The following NIBAN1 variants were observed in gnomAD, a reference collection of about 807,000 sequenced individuals.
NIBAN1 encodes niban apoptosis regulator 1.
In NIBAN1, 81 loss-of-function variants were observed where a neutral mutation model predicts 75.1. The observed-to-expected ratio is 1.08, with a 90% CI of 0.90 to 1.30. The LOEUF is 1.30. NIBAN1 is among the 50% of genes most tolerant of loss of function. The probability of loss-of-function intolerance (pLI) is 0.00; values close to 1 mark genes in which losing one functional copy is unlikely to be tolerated. For missense variants in NIBAN1, 1,133 were observed against 1,128.1 expected (o/e 1.00, Z -0.06); for synonymous variants, 436 against 424.8 (o/e 1.03, Z -0.32).
chr1:184,878,089 A>G (rs1352220730), intron 5 of NIBAN1, among the ~76,000 whole-genome samples: 1 of 152,188 alleles, frequency 6.6e-6, no homozygotes, highest in Non-Finnish European at 1.5e-5. Flanking sequence ...GCACTGAAAG[A>G]GCACCATGTT....
intron 6 of NIBAN1, among the ~76,000 whole-genome samples, chr1:184,827,342 C>A (rs1654868736): frequency 6.6e-6 from 1 of 152,014 alleles, no homozygotes; most frequent in Non-Finnish European, 1.5e-5. Flanking sequence ...TCAGCCCCAC[C>A]CTGCCCTGAT....
chr1:184,924,977 GT>G (rs1657646527), intron 1 of NIBAN1, among the ~76,000 whole-genome samples: 2 of 151,756 alleles, frequency 1.3e-5, no homozygotes, highest in African/African-American at 2.4e-5. Context: ...CCCACTTTTT[GT>G]TTCATTGATC....
At chr1:184,970,002 C>T (rs1004365551) in intron 1 of NIBAN1, among the ~76,000 whole-genome samples, 5 of 151,328 alleles carry the variant, frequency 3.3e-5, no homozygotes, top group Non-Finnish European at 4.4e-5. Flanking sequence ...CCCGTCTCTA[C>T]AAAAAAATAC....
chr1:184,880,109 C>A (rs2101963635), intron 5 of NIBAN1, among the ~76,000 whole-genome samples: 1 of 152,348 alleles, frequency 6.6e-6, no homozygotes, highest in South Asian at 2.1e-4. Flanking sequence ...CACTGTTGAA[C>A]AAAACTTTGC....
chr1:184,804,767 T>C (rs1295627215), intron 11 of NIBAN1, among the ~76,000 whole-genome samples: 1 of 151,782 alleles, frequency 6.6e-6, no homozygotes, highest in Non-Finnish European at 1.5e-5. Context: ...ATGAGCAATA[T>C]TGGTGTTTTT....
At chr1:184,816,542 C>T (rs1336785009) in intron 9 of NIBAN1, among the ~76,000 whole-genome samples, 2 of 152,198 alleles carry the variant, frequency 1.3e-5, no homozygotes, top group African/African-American at 2.4e-5. Context: ...GGACTAAGCT[C>T]ATGCACTAGG....
intron 5 of NIBAN1, among the ~76,000 whole-genome samples, chr1:184,857,024 T>C (rs1239403564): frequency 6.6e-6 from 1 of 151,930 alleles, no homozygotes; most frequent in Non-Finnish European, 1.5e-5. Context: ...CAGAGCACAG[T>C]GTCCTCATCA....
chr1:184,811,528 A>C (rs1391358816), intron 9 of NIBAN1, among the ~76,000 whole-genome samples: 1 of 7,902 alleles, frequency 1.3e-4, no homozygotes, highest in African/African-American at 2.4e-3. Context: ...TTTTTTTGAG[A>C]CGGAGTCTCA....
At chr1:184,813,016 TAA>T (rs1654427658) in intron 9 of NIBAN1, among the ~76,000 whole-genome samples, 1 of 152,194 alleles carries the variant, frequency 6.6e-6, no homozygotes, top group African/African-American at 2.4e-5. Flanking sequence ...AATACTTTAT[TAA>T]AGAGTGCTAT....
intron 4 of NIBAN1, among the ~76,000 whole-genome samples, chr1:184,885,607 C>A (rs187292019): frequency 3.3e-5 from 5 of 152,276 alleles, no homozygotes; most frequent in African/African-American, 1.2e-4. Context: ...GCTCCAGCTC[C>A]AACAGGGCAG....
intron 5 of NIBAN1, among the ~76,000 whole-genome samples, chr1:184,870,172 T>C (rs1656068378): frequency 6.6e-6 from 1 of 152,218 alleles, no homozygotes; most frequent in African/African-American, 2.4e-5. Context: ...CAGTGGTTGA[T>C]AGATTACAAT....
chr1:184,961,212 G>A (rs1352041268), intron 1 of NIBAN1, among the ~76,000 whole-genome samples: 1 of 151,604 alleles, frequency 6.6e-6, no homozygotes, highest in Non-Finnish European at 1.5e-5. Flanking sequence ...GGGACTACAG[G>A]CGCCTGCCGC....
intron 12 of NIBAN1, among the ~76,000 whole-genome samples, chr1:184,799,978 C>T (rs1653987931): frequency 1.0e-5 from 1 of 100,216 alleles, no homozygotes; most frequent in Non-Finnish European, 1.9e-5. Flanking sequence ...ATCTCCTGAC[C>T]TCGTGATCCG....
intron 1 of NIBAN1, among the ~76,000 whole-genome samples, chr1:184,923,013 T>C (rs1490266459): frequency 6.6e-6 from 1 of 152,202 alleles, no homozygotes; most frequent in Non-Finnish European, 1.5e-5. Context: ...ATTCTGTCAG[T>C]TGTCTCTTCA....
rs1654755164 is a variant in NIBAN1 at position 184,823,321 on chromosome 1, C to T, written c.831G>A (p.Glu277=). The T allele has an allele frequency of 2.5e-6, 4 of 1,613,912 alleles. No homozygotes were observed. The highest frequency in any genetic ancestry group is 3.4e-6 in the Non-Finnish European group (4 of 1,179,928). The change falls in exon 8 of 14, where the codon GAG becomes GAA. Residue 277 remains glutamate (E), a synonymous_variant. Coordinates refer to ENST00000367511, the MANE Select transcript of NIBAN1 (RefSeq NM_052966.4). ...GATGCTGAACCAGGGTGTAGGCCTC[C>T]TCGAGGAGCTGCAACAAGGAATAAC... ...DRKRTWLGLL[E]EAYTLVQHQV... is the part of the protein sequence containing the mutation.
At chr1:184,873,723 G>A (rs1449113093) in intron 5 of NIBAN1, among the ~76,000 whole-genome samples, 1 of 152,076 alleles carries the variant, frequency 6.6e-6, no homozygotes, top group Admixed American at 6.6e-5. Context: ...AAGTCTAACT[G>A]CTTCTTTGGA....
chr1:184,883,373 A>C (rs1383110551), intron 5 of NIBAN1, among the ~76,000 whole-genome samples: 3 of 152,218 alleles, frequency 2.0e-5, no homozygotes, highest in South Asian at 2.1e-4. Flanking sequence ...TCCCAGAGAC[A>C]GGAACTCTGT....
intron 9 of NIBAN1, among the ~76,000 whole-genome samples, chr1:184,816,638 T>A (rs1654543067): frequency 6.6e-6 from 1 of 152,138 alleles, no homozygotes; most frequent in African/African-American, 2.4e-5. Flanking sequence ...AACACATAGA[T>A]CCTAGAACAT....
At chr1:184,829,665 A>G (rs1654943646) in intron 6 of NIBAN1, among the ~76,000 whole-genome samples, 1 of 151,726 alleles carries the variant, frequency 6.6e-6, no homozygotes, top group Non-Finnish European at 1.5e-5. Context: ...ACAGGGTTTC[A>G]CTGTGTTGGC....
Sources: gnomAD v4.1 joint callset for allele counts (sites outside exome capture counted in the v4.1 genomes callset) on GRCh38, gnomAD v4.1.1 for gene constraint, MANE v1.5 for transcripts, NCBI Gene and HGNC (gene_info 2026-07-23, HGNC 2026-07-21) for gene names.